ALK: variants seen among roughly 807,000 people sequenced by gnomAD.
ALK encodes ALK tyrosine kinase receptor.
In ALK, 74 loss-of-function variants were observed where a neutral mutation model predicts 163.1. The ratio of observed to expected loss-of-function variants is 0.45; its 90% CI spans 0.38 to 0.55. The LOEUF is 0.55. Among genes scored for constraint, ALK ranks in the 20% least tolerant of loss-of-function variants. The probability of loss-of-function intolerance (pLI) is 0.00; values close to 1 mark genes in which losing one functional copy is unlikely to be tolerated. For synonymous variants in ALK, 960 were observed against 843.2 expected (o/e 1.14, Z -2.40); for missense variants, 2,063 against 2,105.3 (o/e 0.98, Z 0.39).
intron 3 of ALK, among the ~76,000 whole-genome samples, chr2:29,649,109 G>A (rs937760060): frequency 9.2e-5 from 14 of 151,826 alleles, no homozygotes; most frequent in African/African-American, 3.4e-4. Flanking sequence ...TTACTCTGAA[G>A]TTTTATAATT....
chr2:29,830,471 C>T (rs1665335930), intron 1 of ALK, among the ~76,000 whole-genome samples: 1 of 151,974 alleles, frequency 6.6e-6, no homozygotes, highest in African/African-American at 2.4e-5. Flanking sequence ...GTAAGAGGAG[C>T]CCTATTGACA....
At chr2:29,793,777 A>G (rs1296642620) in intron 1 of ALK, among the ~76,000 whole-genome samples, 1 of 152,194 alleles carries the variant, frequency 6.6e-6, no homozygotes. Context: ...CCATTTATTG[A>G]ATATTCAGTT....
chr2:29,268,805 C>G (rs1665305613), intron 11 of ALK, among the ~76,000 whole-genome samples: 1 of 152,136 alleles, frequency 6.6e-6, no homozygotes, highest in Non-Finnish European at 1.5e-5. Context: ...AACCCTGGCC[C>G]TGCATTTGAT....
At chr2:29,864,083 A>T (rs1325672276) in intron 1 of ALK, among the ~76,000 whole-genome samples, 1 of 152,190 alleles carries the variant, frequency 6.6e-6, no homozygotes, top group Non-Finnish European at 1.5e-5. Context: ...TTCAGACTAG[A>T]AAACTGAGGC....
At chr2:29,794,093 T>C (rs1232249893) in intron 1 of ALK, among the ~76,000 whole-genome samples, 2 of 152,204 alleles carry the variant, frequency 1.3e-5, no homozygotes, top group African/African-American at 2.4e-5. Flanking sequence ...GCCACCTTCA[T>C]CAATTATCTT....
intron 3 of ALK, among the ~76,000 whole-genome samples, chr2:29,654,693 A>G (rs1443832733): frequency 6.6e-6 from 1 of 152,196 alleles, no homozygotes; most frequent in Non-Finnish European, 1.5e-5. Context: ...CTCCAGGCAT[A>G]TTGAAAGATG....
chr2:29,773,672 G>T (rs536728315), intron 1 of ALK, among the ~76,000 whole-genome samples: 1 of 152,312 alleles, frequency 6.6e-6, no homozygotes, highest in East Asian at 1.9e-4. Context: ...TGGATGATGG[G>T]AAAGACAACT....
intron 1 of ALK, among the ~76,000 whole-genome samples, chr2:29,751,933 C>T (rs112904747): frequency 3.5e-4 from 53 of 152,246 alleles, no homozygotes; most frequent in African/African-American, 1.2e-3. Context: ...TTGTAGCTAA[C>T]ATTTTTGAGA....
chr2:29,844,982 G>T (rs150936282), intron 1 of ALK, among the ~76,000 whole-genome samples: 1,950 of 151,946 alleles, frequency 0.013, 47 homozygotes, highest in African/African-American at 0.045. Flanking sequence ...TTATCACTGG[G>T]GGTTCCGGGG....
chr2:29,728,750 G>C (rs1191460281), intron 1 of ALK, among the ~76,000 whole-genome samples: 1 of 152,162 alleles, frequency 6.6e-6, no homozygotes, highest in East Asian at 1.9e-4. Flanking sequence ...CGGAGCGCCA[G>C]CTCCTTATTT....
chr2:29,243,969 G>C (rs924441642), intron 12 of ALK, among the ~76,000 whole-genome samples: 1 of 150,516 alleles, frequency 6.6e-6, no homozygotes, highest in Non-Finnish European at 1.5e-5. Flanking sequence ...TTTGTGTTTT[G>C]TATTAGAAAC....
At chr2:29,365,685 T>G (rs1254338065) in intron 5 of ALK, among the ~76,000 whole-genome samples, 1 of 152,162 alleles carries the variant, frequency 6.6e-6, no homozygotes, top group Non-Finnish European at 1.5e-5. Flanking sequence ...AGGACTACAA[T>G]CGATACCAAA....
intron 4 of ALK, among the ~76,000 whole-genome samples, chr2:29,501,683 T>C (rs968002736): frequency 6.6e-6 from 1 of 152,224 alleles, no homozygotes; most frequent in Non-Finnish European, 1.5e-5. Flanking sequence ...TTTTTTATTG[T>C]GGTAAAATAT....
At chr2:29,565,324 C>T (rs149118472) in intron 3 of ALK, among the ~76,000 whole-genome samples, 1,992 of 152,262 alleles carry the variant, frequency 0.013, 18 homozygotes, top group Non-Finnish European at 0.021. Flanking sequence ...GGTCTTCCGG[C>T]GTTAGCTTCC....
chr2:29,228,266 C>T (rs980687402), intron 16 of ALK, among the ~76,000 whole-genome samples: 2 of 152,224 alleles, frequency 1.3e-5, no homozygotes, highest in African/African-American at 4.8e-5. Context: ...CACCACAGAG[C>T]ATGCATGCAT....
intron 11 of ALK, among the ~76,000 whole-genome samples, chr2:29,264,765 C>T (rs578016440): frequency 3.0e-4 from 46 of 152,248 alleles, no homozygotes; most frequent in Admixed American, 2.7e-3. Context: ...CACTTTTGGC[C>T]CTTTGGGGCT....
chr2:29,851,470 G>C (rs1271039824), intron 1 of ALK, among the ~76,000 whole-genome samples: 1 of 152,142 alleles, frequency 6.6e-6, no homozygotes, highest in African/African-American at 2.4e-5. Flanking sequence ...GTCTGTCTAA[G>C]AGCTGATTAT....
intron 4 of ALK, among the ~76,000 whole-genome samples, chr2:29,436,460 AATT>A (rs1670399876): frequency 6.6e-6 from 1 of 152,122 alleles, no homozygotes; most frequent in Non-Finnish European, 1.5e-5. Flanking sequence ...CTTTGCATCA[AATT>A]ATTACCTCCA....
At chr2:29,749,026 T>A (rs1265613153) in intron 1 of ALK, among the ~76,000 whole-genome samples, 1 of 152,162 alleles carries the variant, frequency 6.6e-6, no homozygotes, top group Non-Finnish European at 1.5e-5. Context: ...TACTAACATA[T>A]CTCTTGAATG....
Sources: allele counts gnomAD v4.1 joint callset (sites outside exome capture counted in the v4.1 genomes callset), GRCh38; gene constraint gnomAD v4.1.1; transcripts MANE v1.5; gene names NCBI Gene and HGNC (gene_info 2026-07-23, HGNC 2026-07-21).